Variants in FSTL4 observed in about 807,000 individuals in gnomAD.
FSTL4 encodes follistatin like 4, also known as follistatin-related protein 4.
Under a neutral mutation model 78.2 loss-of-function variants are expected in FSTL4, and 28 were observed. That is an observed-to-expected ratio of 0.36 (90% CI 0.27 to 0.49). The LOEUF is 0.49. FSTL4 is among the 20% of genes least tolerant of loss of function. The pLI, the probability that FSTL4 is intolerant of heterozygous loss-of-function variation, is 0.98. For synonymous variants in FSTL4, 422 were observed against 440.5 expected (o/e 0.96, Z 0.53); for missense variants, 922 against 1,084.9 (o/e 0.85, Z 2.11).
intron 3 of FSTL4, among the ~76,000 whole-genome samples, chr5:133,403,631 A>C (rs1756289518): frequency 6.6e-6 from 1 of 152,186 alleles, no homozygotes; most frequent in Non-Finnish European, 1.5e-5. Flanking sequence ...CGGTAGGGGT[A>C]CATTTTCCCT....
At chr5:133,318,768 G>T (rs1411396284) in intron 4 of FSTL4, among the ~76,000 whole-genome samples, 1 of 152,238 alleles carries the variant, frequency 6.6e-6, no homozygotes, top group Non-Finnish European at 1.5e-5. Context: ...GGTCAAAAGG[G>T]CAGGATGCCC....
At chr5:133,564,795 G>A (rs1443787849) in intron 3 of FSTL4, among the ~76,000 whole-genome samples, 1 of 152,172 alleles carries the variant, frequency 6.6e-6, no homozygotes, top group Non-Finnish European at 1.5e-5. Flanking sequence ...ATAGGGCAGA[G>A]GACAGGTTTA....
chr5:133,354,178 GA>G (rs141823106), intron 4 of FSTL4, among the ~76,000 whole-genome samples: 18,805 of 150,962 alleles, frequency 0.12, 1,378 homozygotes, highest in African/African-American at 0.21. Context: ...CCGCCAAAAA[GA>G]AAAAAAAAGC....
chr5:133,576,818 C>A (rs1760293265), intron 2 of FSTL4, among the ~76,000 whole-genome samples: 2 of 152,178 alleles, frequency 1.3e-5, no homozygotes, highest in Non-Finnish European at 2.9e-5. Context: ...CATCTAAGTT[C>A]TAAGTTTTTC....
intron 2 of FSTL4, among the ~76,000 whole-genome samples, chr5:133,573,163 G>A (rs958396680): frequency 3.6e-4 from 54 of 152,012 alleles, no homozygotes; most frequent in African/African-American, 1.2e-3. Flanking sequence ...AGAATGGCGT[G>A]AACCCGGGAG....
intron 3 of FSTL4, among the ~76,000 whole-genome samples, chr5:133,509,407 T>C (rs1758678876): frequency 6.6e-6 from 1 of 152,228 alleles, no homozygotes; most frequent in South Asian, 2.1e-4. Context: ...TTTCCTCTTC[T>C]GATTCTTTAT....
chr5:133,314,371 T>A (rs1214208128), intron 5 of FSTL4, among the ~76,000 whole-genome samples: 1 of 152,206 alleles, frequency 6.6e-6, no homozygotes, highest in Non-Finnish European at 1.5e-5. Flanking sequence ...CCTCCTGGGA[T>A]GCAGGCCTTG....
chr5:133,614,400 A>T (rs532779787), upstream of FSTL4, among the ~76,000 whole-genome samples: 2 of 152,342 alleles, frequency 1.3e-5, no homozygotes, highest in East Asian at 3.9e-4. Flanking sequence ...TGCAAACCAG[A>T]TGTATGGAAT....
At chr5:133,629,455 G>T in the FSTL4 span, among the ~76,000 whole-genome samples, 1 of 152,128 alleles carries the variant, frequency 6.6e-6, no homozygotes, top group Non-Finnish European at 1.5e-5. Context: ...GGAAGAAGTT[G>T]AATCCCTGAA....
intron 2 of FSTL4, among the ~76,000 whole-genome samples, chr5:133,595,627 G>C (rs555487774): frequency 6.6e-6 from 1 of 152,348 alleles, no homozygotes; most frequent in East Asian, 1.9e-4. Flanking sequence ...ACATCAGACT[G>C]TGGCTCAGGA....
chr5:133,563,114 T>C (rs148460011), intron 3 of FSTL4, among the ~76,000 whole-genome samples: 11 of 152,146 alleles, frequency 7.2e-5, no homozygotes, highest in Non-Finnish European at 1.3e-4. Flanking sequence ...CAGGCATGAA[T>C]ATCCAGGGTC....
At chr5:133,698,645 T>G in the FSTL4 span, among the ~76,000 whole-genome samples, 1 of 152,260 alleles carries the variant, frequency 6.6e-6, no homozygotes, top group Non-Finnish European at 1.5e-5. Flanking sequence ...GTAACGTGCT[T>G]GGCACAGCAT....
intron 3 of FSTL4, among the ~76,000 whole-genome samples, chr5:133,408,845 AG>A (rs1756424590): frequency 6.6e-6 from 1 of 152,192 alleles, no homozygotes; most frequent in South Asian, 2.1e-4. Context: ...GTAGAGAGCT[AG>A]GCACTTAGTA....
chr5:133,577,382 G>C (rs2112954082), intron 2 of FSTL4, among the ~76,000 whole-genome samples: 1 of 152,336 alleles, frequency 6.6e-6, no homozygotes, highest in East Asian at 1.9e-4. Context: ...CTGCACCACA[G>C]AGAACAGTGT....
In FSTL4 at chr5:133,224,171, A is replaced by G. The variant is rs754339157; in HGVS notation, c.1339+19T>C. 6.2e-7 allele frequency: 1 copy of G among 1,608,722 alleles called. No individual in the cohort carries two copies. The highest frequency in any genetic ancestry group is 8.5e-7 in the Non-Finnish European group (1 of 1,175,430). On this transcript the variant is annotated intron_variant, in intron 11 of 15. Transcript: ENST00000265342. ...CACACGTGATCACAGGCATGACGCA[A>G]AACAATGAAGCTTGGTACCTTCCTC...
intron 3 of FSTL4, among the ~76,000 whole-genome samples, chr5:133,552,496 G>T (rs530955462): frequency 2.0e-5 from 3 of 152,304 alleles, no homozygotes; most frequent in African/African-American, 7.2e-5. Context: ...TGCTTTCCAA[G>T]ATCATCTGTA....
chr5:133,451,671 A>G (rs1757386673), intron 3 of FSTL4, among the ~76,000 whole-genome samples: 1 of 152,216 alleles, frequency 6.6e-6, no homozygotes, highest in South Asian at 2.1e-4. Context: ...TACTTGGGCT[A>G]AGCCAGGGTC....
Position 133,225,578 on chromosome 5 carries a change from A to G in FSTL4, c.1177+80T>C. 7.8e-7 allele frequency: 1 copy of G among 1,288,288 alleles called. No homozygotes were observed. Among genetic ancestry groups the G allele is most frequent in the South Asian group, 1.4e-5 (1 of 69,672 alleles). The allele number at this position is 1,288,288 out of a possible 1,614,324, so 79.8% of individuals were successfully genotyped here. A position where few individuals can be genotyped will look rare whatever the true frequency, so the allele number is the denominator to read the frequency against. On this transcript the variant is annotated intron_variant, in intron 9 of 15. Transcript: ENST00000265342. The surrounding 1 kb of genome is among the most constrained non-coding windows in gnomAD (Gnocchi z 4.6). ...CCTGTCTGACTTATAAACAAATTATACCTCTCGTTTCCATTCCTGGAGTCT... is the reference window on the plus strand; with the variant it reads ...CCTGTCTGACTTATAAACAAATTATGCCTCTCGTTTCCATTCCTGGAGTCT...
intron 3 of FSTL4, among the ~76,000 whole-genome samples, chr5:133,466,126 C>T (rs1395903487): frequency 6.6e-6 from 1 of 152,180 alleles, no homozygotes; most frequent in Non-Finnish European, 1.5e-5. Context: ...ACATCCTGCT[C>T]CCCATATGGG....
Sources: gnomAD v4.1 joint callset for allele counts (sites outside exome capture counted in the v4.1 genomes callset) on GRCh38, gnomAD v4.1.1 for gene constraint, Gnocchi (gnomAD v3.1) non-coding constraint, MANE v1.5 for transcripts, NCBI Gene and HGNC (gene_info 2026-07-23, HGNC 2026-07-21) for gene names.